ENOPH1: variants seen among roughly 807,000 people sequenced by gnomAD.
The protein encoded by ENOPH1 is enolase-phosphatase E1.
A neutral mutation model predicts 31.1 loss-of-function variants in ENOPH1; 14 were observed. That is an observed-to-expected ratio of 0.45 (90% CI 0.30 to 0.70). The LOEUF (loss-of-function observed/expected upper bound fraction) is 0.70. Ranked by LOEUF, ENOPH1 falls within the 30% of genes least tolerant of loss-of-function variation. The pLI is 0.09. For synonymous variants in ENOPH1, 127 were observed against 123.2 expected (o/e 1.03, Z -0.21); for missense variants, 243 against 321.5 (o/e 0.76, Z 1.87).
At chr4:82,445,738 C>T (rs1404405781) in intron 1 of ENOPH1, among the ~76,000 whole-genome samples, 3 of 152,164 alleles carry the variant, frequency 2.0e-5, no homozygotes, top group Admixed American at 6.5e-5. Context: ...CCACCATGCC[C>T]AGCAGCAAAT....
chr4:82,434,205 C>G (rs1463293194), intron 1 of ENOPH1, among the ~76,000 whole-genome samples: 1 of 152,172 alleles, frequency 6.6e-6, no homozygotes, highest in African/African-American at 2.4e-5. Context: ...TTTGTCCTGT[C>G]TCCTTTGCTT....
intron 1 of ENOPH1, among the ~76,000 whole-genome samples, chr4:82,443,205 G>A (rs544729616): frequency 1.3e-5 from 2 of 152,244 alleles, no homozygotes; most frequent in South Asian, 4.1e-4. Flanking sequence ...GGGAGGCCGC[G>A]ATGGGATGAT....
chr4:82,442,763 TA>T (rs1722073624), intron 1 of ENOPH1, among the ~76,000 whole-genome samples: 1 of 152,246 alleles, frequency 6.6e-6, no homozygotes, highest in Non-Finnish European at 1.5e-5. Flanking sequence ...ATACTGTTTG[TA>T]ACCTGTTTTA....
At chr4:82,444,179 AG>A (rs1722120124) in intron 1 of ENOPH1, among the ~76,000 whole-genome samples, 2 of 151,546 alleles carry the variant, frequency 1.3e-5, no homozygotes, top group African/African-American at 4.8e-5. Flanking sequence ...CCGGCCAGAA[AG>A]CTTTTAAAGT....
At chr4:82,445,767 G>A (rs935490691) in intron 1 of ENOPH1, among the ~76,000 whole-genome samples, 1 of 152,212 alleles carries the variant, frequency 6.6e-6, no homozygotes, top group Non-Finnish European at 1.5e-5. Flanking sequence ...TAGTCCAGAT[G>A]TTATACTAAA....
chr4:82,451,008 CAA>C (rs1722332047), intron 2 of ENOPH1, 33 bp from the exon 3 acceptor site: 4 of 1,580,296 alleles, frequency 2.5e-6, no homozygotes, highest in Non-Finnish European at 2.6e-6. Flanking sequence ...TTTGAATAAG[CAA>C]AAAACAAACA....
chr4:82,449,162 C>A (rs1722279169), intron 2 of ENOPH1, among the ~76,000 whole-genome samples: 1 of 150,940 alleles, frequency 6.6e-6, no homozygotes, highest in Admixed American at 6.6e-5. Flanking sequence ...ATTGCTTGAA[C>A]GTGGGAGGTG....
intron 1 of ENOPH1, among the ~76,000 whole-genome samples, chr4:82,447,385 G>T (rs1473155955): frequency 2.6e-5 from 4 of 152,126 alleles, no homozygotes; most frequent in Admixed American, 2.0e-4. Context: ...TACTTGTCAT[G>T]TATGGACACC....
intron 1 of ENOPH1, among the ~76,000 whole-genome samples, chr4:82,444,646 G>A (rs1307661635): frequency 6.6e-6 from 1 of 152,164 alleles, no homozygotes; most frequent in Non-Finnish European, 1.5e-5. Context: ...GGCTCTTTCA[G>A]TAAGCGATCA....
intron 1 of ENOPH1, among the ~76,000 whole-genome samples, chr4:82,433,247 C>G (rs141496771): frequency 2.5e-3 from 382 of 152,216 alleles, no homozygotes; most frequent in African/African-American, 8.4e-3. Flanking sequence ...ACATAATACC[C>G]CTCCCCCACC....
chr4:82,441,639 AAAAT>A (rs545709751), intron 1 of ENOPH1, among the ~76,000 whole-genome samples: 41 of 151,264 alleles, frequency 2.7e-4, no homozygotes, highest in Non-Finnish European at 5.0e-4. Flanking sequence ...ATCTCAAAAT[AAAAT>A]AAAATAAAGT....
At chr4:82,453,815 C>T (rs1427336243) in intron 3 of ENOPH1, among the ~76,000 whole-genome samples, 1 of 152,136 alleles carries the variant, frequency 6.6e-6, no homozygotes, top group Non-Finnish European at 1.5e-5. Context: ...CAGAAAAAGA[C>T]ATCTTTTGCT....
At chr4:82,440,077 A>G (rs956151799) in intron 1 of ENOPH1, among the ~76,000 whole-genome samples, 1 of 152,170 alleles carries the variant, frequency 6.6e-6, no homozygotes, top group Non-Finnish European at 1.5e-5. Flanking sequence ...CATTAGTATA[A>G]ATGGTATTTA....
In ENOPH1 at chr4:82,457,618, T is replaced by TACAC. The variant is rs149668370; in HGVS notation, c.646+593_646+596dup. 2.9e-3 allele frequency among the ~76,000 whole-genome samples: 441 copies of TACAC among 151,074 alleles called. 4 individuals are homozygous for TACAC. Among genetic ancestry groups the TACAC allele is most frequent in the African/African-American group, 0.01 (425 of 41,376 alleles). Reference sequence around the variant, plus strand: ...CCGTGATTTCCCAGCCATCGCTATGTACACACACACACACACTATGACACA... The same window carrying TACAC: ...CCGTGATTTCCCAGCCATCGCTATGTACACACACACACACACACACTATGACACA... On this transcript the variant is annotated intron_variant, in intron 5 of 5. Transcript: ENST00000273920.
rs768125505 is a variant in ENOPH1, at chr4:82,447,937, C to T, written c.102C>T (p.Tyr34=). ...IAFVKDILFP[Y]IEENVKEYLQ... is the part of the protein sequence containing the mutation. ...TTATCCAGGACATTTTATTTCCTTA[C>T]ATCGAAGAAAATGTTAAAGAGTATC... Residue 34 remains tyrosine (Y), a synonymous_variant, in exon 2 of 6, where the codon TAC becomes TAT. Transcript: ENST00000273920. 1 of 1,605,370 alleles carries T rather than the reference C, an allele frequency of 6.2e-7. No individual in the cohort carries two copies. The highest frequency in any genetic ancestry group is 8.5e-7 in the Non-Finnish European group (1 of 1,174,340).
chr4:82,433,154 GCATTAGAT>G (rs1721820344), intron 1 of ENOPH1, among the ~76,000 whole-genome samples: 2 of 152,194 alleles, frequency 1.3e-5, no homozygotes, highest in African/African-American at 4.8e-5. Flanking sequence ...TAGTGATGTG[GCATTAGAT>G]CATTAGATAC....
intron 1 of ENOPH1, among the ~76,000 whole-genome samples, chr4:82,442,421 G>A (rs566309199): frequency 2.6e-5 from 4 of 152,158 alleles, no homozygotes; most frequent in African/African-American, 4.8e-5. Flanking sequence ...TCAGGAGGCC[G>A]AGGCAGGAAA....
chr4:82,456,000 A>C (rs914530896), intron 4 of ENOPH1, among the ~76,000 whole-genome samples: 1 of 151,980 alleles, frequency 6.6e-6, no homozygotes, highest in Non-Finnish European at 1.5e-5. Context: ...TTTTAAATCA[A>C]ATATTAATAA....
chr4:82,458,823 A>G (rs1315073275), intron 5 of ENOPH1, among the ~76,000 whole-genome samples: 1 of 152,190 alleles, frequency 6.6e-6, no homozygotes, highest in Non-Finnish European at 1.5e-5. Flanking sequence ...GGTCTGAAGA[A>G]GACATTCCCA....
Sources: allele counts gnomAD v4.1 joint callset (sites outside exome capture counted in the v4.1 genomes callset), GRCh38; gene constraint gnomAD v4.1.1; transcripts MANE v1.5; gene names NCBI Gene and HGNC (gene_info 2026-07-23, HGNC 2026-07-21).